Variants in MRPS5 observed in about 807,000 individuals in gnomAD.
MRPS5 encodes the protein small ribosomal subunit protein uS5m.
In MRPS5, 27 loss-of-function variants were observed where a neutral mutation model predicts 51.9. That is an observed-to-expected ratio of 0.52 (90% CI 0.38 to 0.72). MRPS5 has a LOEUF of 0.72. Among genes scored for constraint, MRPS5 ranks in the 30% least tolerant of loss-of-function variants. MRPS5 has a pLI of 0.00. For missense variants in MRPS5, 570 were observed against 545.7 expected (o/e 1.04, Z -0.44); for synonymous variants, 196 against 193.2 (o/e 1.01, Z -0.12).
intron 1 of MRPS5, among the ~76,000 whole-genome samples, chr2:95,118,341 T>A (rs1676349154): frequency 6.6e-6 from 1 of 152,238 alleles, no homozygotes; most frequent in Non-Finnish European, 1.5e-5. Context: ...ACTTCACAGC[T>A]CTGATAGATT....
chr2:95,111,315 A>T (rs909315664), intron 3 of MRPS5, among the ~76,000 whole-genome samples: 3 of 152,230 alleles, frequency 2.0e-5, no homozygotes, highest in African/African-American at 7.2e-5. Context: ...GTGCTAAAAA[A>T]TGGTGGTACC....
chr2:95,107,701 C>T (rs1328494501), intron 5 of MRPS5, among the ~76,000 whole-genome samples: 12 of 152,178 alleles, frequency 7.9e-5, no homozygotes, highest in Non-Finnish European at 1.3e-4. Flanking sequence ...TACATACTCA[C>T]GGAGGGCTGG....
chr2:95,117,879 C>T lies in MRPS5; in HGVS notation c.125G>A (p.Ser42Asn), dbSNP rs1450889819. 1.2e-6 allele frequency: 2 copies of T among 1,608,700 alleles called. No individual in the cohort carries two copies. The highest frequency in any genetic ancestry group is 2.7e-5 in the African/African-American group (2 of 74,598). Residue 42 changes from serine (S) to asparagine (N), a missense_variant, in exon 2 of 12, where the codon AGT becomes AAT. By Grantham distance (46) the Ser-to-Asn change is conservative. Coordinates refer to ENST00000272418, the MANE Select transcript of MRPS5 (RefSeq NM_031902.5). ...ATGAATCTCACCATTGCCGAGAACA[C>T]TCTTCCATGCCAAAATGGAAGCTGC... ...LPAASILAWK[S>N]VLGNGHLSSL...
In MRPS5 at chr2:95,087,247, A is replaced by C; in HGVS notation, c.*110T>G. 2.7e-6 allele frequency: 2 copies of C among 746,852 alleles called. No individual in the cohort carries two copies. Among genetic ancestry groups the C allele is most frequent in the Non-Finnish European group, 4.4e-6 (2 of 457,732 alleles). The allele number at this position is 746,852 out of a possible 1,614,324, so 46.3% of individuals were successfully genotyped here. A position where few individuals can be genotyped will look rare whatever the true frequency, so the allele number is the denominator to read the frequency against. On this transcript the variant is annotated 3_prime_UTR_variant, in exon 12 of 12. Coordinates refer to ENST00000272418, the MANE Select transcript of MRPS5 (RefSeq NM_031902.5). Reference sequence around the variant, plus strand: ...TTTATTTCCAAAGAGTTTAAAGATTAAACTTCCCTCAAAACAAACAAAAGG... The same window carrying C: ...TTTATTTCCAAAGAGTTTAAAGATTCAACTTCCCTCAAAACAAACAAAAGG...
intron 7 of MRPS5, 91 bp from the exon 8 acceptor site, chr2:95,101,814 T>A (rs904502692): frequency 1.8e-5 from 14 of 769,776 alleles, no homozygotes; most frequent in African/African-American, 1.6e-4. Context: ...CTACAATATT[T>A]CACAGCACTT....
intron 10 of MRPS5, chr2:95,091,391 A>G (rs545295166): frequency 9.8e-5 from 15 of 152,742 alleles, no homozygotes; most frequent in African/African-American, 3.6e-4. Flanking sequence ...TCAAGGTGGC[A>G]TCCTTCCTTC....
At chr2:95,113,066 A>G (rs1337105464) in intron 3 of MRPS5, among the ~76,000 whole-genome samples, 3 of 152,044 alleles carry the variant, frequency 2.0e-5, no homozygotes, top group Non-Finnish European at 2.9e-5. Flanking sequence ...GAGGAAGAAC[A>G]CCAGTGAATG....
upstream of MRPS5, chr2:95,121,947 G>A (rs1676471117): frequency 2.3e-6 from 2 of 864,272 alleles, no homozygotes; most frequent in African/African-American, 1.8e-5. Flanking sequence ...GGACTGTCCG[G>A]ACGGGCCACA....
chr2:95,108,502 ACACTGTT>A, intron 4 of MRPS5, 94 bp from the exon 5 acceptor site: 1 of 1,001,472 alleles, frequency 1.0e-6, no homozygotes, highest in Non-Finnish European at 1.5e-6. Flanking sequence ...TAATGATGAC[ACACTGTT>A]CACTGGAGCT....
chr2:95,113,284 G>C (rs1305584485), intron 3 of MRPS5, among the ~76,000 whole-genome samples: 4 of 151,930 alleles, frequency 2.6e-5, no homozygotes, highest in African/African-American at 7.3e-5. Flanking sequence ...AGACCATCCT[G>C]GCTAACACGG....
intron 1 of MRPS5, among the ~76,000 whole-genome samples, chr2:95,119,868 G>A (rs1286412548): frequency 3.9e-5 from 6 of 152,170 alleles, no homozygotes; most frequent in Non-Finnish European, 2.9e-5. Flanking sequence ...TTAGAGACCA[G>A]CCTCGGCAAC....
chr2:95,094,712 C>G (rs1412068896), intron 10 of MRPS5, among the ~76,000 whole-genome samples: 1 of 152,168 alleles, frequency 6.6e-6, no homozygotes, highest in Non-Finnish European at 1.5e-5. Flanking sequence ...GCCTGCCTTA[C>G]AAGAACTCCT....
chr2:95,103,950 T>C (rs1675874650), intron 7 of MRPS5: 1 of 152,248 alleles, frequency 6.6e-6, no homozygotes, highest in African/African-American at 2.4e-5. Flanking sequence ...ACATACTATA[T>C]ATATATGTAT....
intron 3 of MRPS5, among the ~76,000 whole-genome samples, chr2:95,111,736 T>C (rs1676126089): frequency 6.6e-6 from 1 of 152,218 alleles, no homozygotes; most frequent in Non-Finnish European, 1.5e-5. Flanking sequence ...TTCTGCCTTT[T>C]TCTTTATGCA....
chr2:95,100,824 G>T lies in MRPS5; in HGVS notation c.868+13C>A. 3 of 1,552,160 alleles carry T rather than the reference G, an allele frequency of 1.9e-6. No individual in the cohort carries two copies. The highest frequency in any genetic ancestry group is 2.6e-6 in the Non-Finnish European group (3 of 1,143,720). On this transcript the variant is annotated intron_variant, in intron 9 of 11. Transcript: ENST00000272418. ...CCTGCAAATTAAAAAAAAAAAAATAGATTATCACTCACTTGTATGGTCTTC... is the reference window on the plus strand; with the variant it reads ...CCTGCAAATTAAAAAAAAAAAAATATATTATCACTCACTTGTATGGTCTTC...
intron 11 of MRPS5, 51 bp downstream of exon 11, chr2:95,090,335 C>T: frequency 6.2e-7 from 1 of 1,601,300 alleles, no homozygotes; most frequent in Middle Eastern, 2.3e-4. Context: ...CCAACACACA[C>T]AACTGAAATA....
chr2:95,113,005 A>G (rs563802278), intron 3 of MRPS5, among the ~76,000 whole-genome samples: 7 of 151,456 alleles, frequency 4.6e-5, no homozygotes, highest in African/African-American at 1.7e-4. Context: ...ACTCCGTCTC[A>G]AAAAGAAAAG....
chr2:95,087,830 T>C (rs1675342533), intron 11 of MRPS5, among the ~76,000 whole-genome samples: 2 of 152,156 alleles, frequency 1.3e-5, no homozygotes, highest in Admixed American at 1.3e-4. Flanking sequence ...GTCTCTTGCC[T>C]TCTAAACCCT....
Position 95,121,695 on chromosome 2 carries a change from C to G in MRPS5, c.58+39G>C, listed in dbSNP as rs1387477279. 3.9e-6 allele frequency: 6 copies of G among 1,524,234 alleles called. No homozygotes were observed. The South Asian group carries it at 7.2e-5, about 18-fold the overall frequency. 94.4% of individuals were successfully genotyped at this position (1,524,234 alleles called of 1,614,324 possible). A position where few individuals can be genotyped will look rare whatever the true frequency, so the allele number is the denominator to read the frequency against. On this transcript the variant is annotated intron_variant, in intron 1 of 11. Coordinates refer to ENST00000272418, the MANE Select transcript of MRPS5 (RefSeq NM_031902.5). ...CCCCAGGCGAGCCCCCCACTCCCGG[C>G]CCGCTCAGAGCCCCTGCTCCCGGCG...
Sources: gnomAD v4.1 joint callset for allele counts (sites outside exome capture counted in the v4.1 genomes callset) on GRCh38, gnomAD v4.1.1 for gene constraint, MANE v1.5 for transcripts, NCBI Gene and HGNC (gene_info 2026-07-23, HGNC 2026-07-21) for gene names.